Variants in MALRD1 observed in about 807,000 individuals in gnomAD.
MALRD1 encodes the protein MAM and LDL receptor class A domain containing 1, also known as MAM and LDL-receptor class A domain-containing protein 1.
MALRD1 carries 247 observed loss-of-function variants against 242.1 expected under a neutral mutation model. The ratio of observed to expected loss-of-function variants is 1.02; its 90% confidence interval spans 0.92 to 1.13. The LOEUF (loss-of-function observed/expected upper bound fraction) is 1.13. MALRD1 is among the 50% of genes most tolerant of loss of function. MALRD1 has a pLI of 0.00. For synonymous variants in MALRD1, 995 were observed against 866.6 expected (o/e 1.15, Z -2.60); for missense variants, 2,989 against 2,533.1 (o/e 1.18, Z -3.86).
At chr10:19,191,660 A>G (rs939804511) in intron 14 of MALRD1, among the ~76,000 whole-genome samples, 2 of 152,280 alleles carry the variant, frequency 1.3e-5, no homozygotes, top group Admixed American at 6.5e-5. Flanking sequence ...TTATTTAGTC[A>G]TAACAAGGAA....
intron 32 of MALRD1, among the ~76,000 whole-genome samples, chr10:19,557,285 A>G (rs937896561): frequency 1.3e-5 from 2 of 151,960 alleles, no homozygotes; most frequent in African/African-American, 2.4e-5. Context: ...GAAGTTTTTA[A>G]TTTAACAAAG....
chr10:19,612,120 A>G (rs374280730), intron 35 of MALRD1, among the ~76,000 whole-genome samples: 6 of 152,162 alleles, frequency 3.9e-5, no homozygotes, highest in South Asian at 2.1e-4. Flanking sequence ...AACAAAATAC[A>G]TATTTGAGGA....
intron 18 of MALRD1, among the ~76,000 whole-genome samples, chr10:19,222,405 T>G (rs1448076870): frequency 6.6e-6 from 1 of 152,154 alleles, no homozygotes; most frequent in Non-Finnish European, 1.5e-5. Flanking sequence ...ACTGTGGGAT[T>G]TGCCATTTTG....
intron 18 of MALRD1, among the ~76,000 whole-genome samples, chr10:19,226,106 T>G (rs1365610184): frequency 6.6e-6 from 1 of 152,134 alleles, no homozygotes; most frequent in Non-Finnish European, 1.5e-5. Context: ...ACATTCTTAA[T>G]ACAATATTAG....
intron 38 of MALRD1, among the ~76,000 whole-genome samples, chr10:19,715,787 G>A (rs574104099): frequency 5.9e-5 from 9 of 152,232 alleles, no homozygotes; most frequent in Non-Finnish European, 1.2e-4. Context: ...GGGGAAACTG[G>A]TGCATCACAT....
chr10:19,216,076 T>A (rs78755611), intron 18 of MALRD1, among the ~76,000 whole-genome samples: 2,639 of 148,270 alleles, frequency 0.018, 103 homozygotes, highest in East Asian at 0.17. Flanking sequence ...GCTGATTAAG[T>A]AATACTATAT....
At chr10:19,233,019 C>CAA (rs1329828585) in intron 18 of MALRD1, among the ~76,000 whole-genome samples, 1 of 152,036 alleles carries the variant, frequency 6.6e-6, no homozygotes, top group Non-Finnish European at 1.5e-5. Context: ...AATAAGGTTG[C>CAA]TTAATTAAAA....
intron 36 of MALRD1, among the ~76,000 whole-genome samples, chr10:19,624,035 A>G (rs1374247012): frequency 6.6e-6 from 1 of 152,138 alleles, no homozygotes; most frequent in Non-Finnish European, 1.5e-5. Flanking sequence ...TAGGAAAGAT[A>G]TGAAGAAACA....
chr10:19,681,146 C>G (rs1349523485), intron 36 of MALRD1, among the ~76,000 whole-genome samples: 2 of 152,162 alleles, frequency 1.3e-5, no homozygotes, highest in East Asian at 1.9e-4. Flanking sequence ...TCTGGAGTAT[C>G]TTACTGAGGT....
intron 9 of MALRD1, among the ~76,000 whole-genome samples, chr10:19,135,284 A>G (rs1833292204): frequency 6.6e-6 from 1 of 152,134 alleles, no homozygotes; most frequent in Non-Finnish European, 1.5e-5. Flanking sequence ...CCTCCCAAGC[A>G]GCTGGGACTA....
chr10:19,403,051 CAAG>C (rs1047293958), intron 28 of MALRD1, among the ~76,000 whole-genome samples: 4 of 151,830 alleles, frequency 2.6e-5, no homozygotes, highest in African/African-American at 9.7e-5. Context: ...TAACTATAAA[CAAG>C]GAGAAAAATA....
At chr10:19,238,407 T>C (rs1183240242) in intron 18 of MALRD1, among the ~76,000 whole-genome samples, 12 of 86,866 alleles carry the variant, frequency 1.4e-4, no homozygotes, top group African/African-American at 6.1e-4. Context: ...ATATATTATG[T>C]ATAATATATA....
At chr10:19,696,001 A>G (rs966145966) in intron 38 of MALRD1, among the ~76,000 whole-genome samples, 2 of 152,160 alleles carry the variant, frequency 1.3e-5, no homozygotes, top group African/African-American at 2.4e-5. Flanking sequence ...GAGAATTATT[A>G]CAATTTAAGG....
chr10:19,100,521 A>G (rs970986974), intron 4 of MALRD1, among the ~76,000 whole-genome samples: 2 of 150,070 alleles, frequency 1.3e-5, no homozygotes, highest in Admixed American at 1.3e-4. Flanking sequence ...CTCATTGGAA[A>G]TGAGAATGGA....
At position 19,692,184 on chromosome 10, in the gene MALRD1, T is replaced by A. The variant is rs1029331881; in HGVS notation, c.6138-98T>A. 3 of 950,108 alleles carry A rather than the reference T, an allele frequency of 3.2e-6. No individual in the cohort carries two copies. The African/African-American group carries it at 5.0e-5, about 16-fold the overall frequency. The allele number at this position is 950,108 out of a possible 1,614,324, so 58.9% of individuals were successfully genotyped here. A position where few individuals can be genotyped will look rare whatever the true frequency, so the allele number is the denominator to read the frequency against. ...AGTTATCCATGTTCCTAGTATCTCG[T>A]TATTTATTGACATTCATGATTTTAT... On this transcript the variant is annotated intron_variant, in intron 36 of 39. Coordinates refer to ENST00000454679, the MANE Select transcript of MALRD1 (RefSeq NM_001142308.3).
At chr10:19,372,714 T>G (rs1845431417) in intron 26 of MALRD1, among the ~76,000 whole-genome samples, 1 of 152,100 alleles carries the variant, frequency 6.6e-6, no homozygotes, top group South Asian at 2.1e-4. Context: ...GTGTTCCACC[T>G]GCCTCGGCCT....
intron 20 of MALRD1, among the ~76,000 whole-genome samples, chr10:19,282,160 T>A (rs968381368): frequency 1.3e-5 from 2 of 152,160 alleles, no homozygotes; most frequent in African/African-American, 2.4e-5. Context: ...TTTTAAATGA[T>A]ATGAAGAACA....
At chr10:19,414,573 G>A (rs1172050024) in intron 28 of MALRD1, among the ~76,000 whole-genome samples, 4 of 152,174 alleles carry the variant, frequency 2.6e-5, no homozygotes, top group East Asian at 3.8e-4. Context: ...GAATTGTACA[G>A]CTGTGTCCAG....
intron 21 of MALRD1, among the ~76,000 whole-genome samples, chr10:19,286,676 C>G (rs1251240668): frequency 6.6e-6 from 1 of 151,510 alleles, no homozygotes; most frequent in Non-Finnish European, 1.5e-5. Flanking sequence ...TGACAATAAT[C>G]AATAGTTTAC....
Sources: gnomAD v4.1 joint callset for allele counts (sites outside exome capture counted in the v4.1 genomes callset) on GRCh38, gnomAD v4.1.1 for gene constraint, MANE v1.5 for transcripts, NCBI Gene and HGNC (gene_info 2026-07-23, HGNC 2026-07-21) for gene names.